Variants in TRIB3 observed in about 807,000 individuals in gnomAD.
The protein encoded by TRIB3 is tribbles pseudokinase 3.
TRIB3 carries 20 observed loss-of-function variants against 16.6 expected under a neutral mutation model. The observed-to-expected ratio is 1.20, with a 90% CI of 0.85 to 1.75. The LOEUF (loss-of-function observed/expected upper bound fraction) is 1.75. TRIB3 is among the 40% of genes most tolerant of loss of function. The pLI is 0.00. For synonymous variants in TRIB3, 208 were observed against 217.0 expected, an observed-to-expected ratio of 0.96 and a Z score of 0.36; for missense variants, 484 against 488.9, an observed-to-expected ratio of 0.99 and a Z score of 0.10.
chr20:383,797 C>T (rs919235487), intron 1 of TRIB3, among the ~76,000 whole-genome samples: 12 of 152,128 alleles, frequency 7.9e-5, no homozygotes, highest in Admixed American at 7.2e-4. Context: ...CTTTTATCCT[C>T]CCACTAGCAC....
intron 3 of TRIB3, among the ~76,000 whole-genome samples, chr20:392,944 G>T (rs1237886129): frequency 6.6e-6 from 1 of 152,170 alleles, no homozygotes; most frequent in Non-Finnish European, 1.5e-5. Context: ...ATTCCTGGGG[G>T]CAGTCAAGAT....
chr20:381,861 T>TGTGCTGTGC lies in TRIB3; in HGVS notation c.-1+692_-1+693insGTGCTGTGC, dbSNP rs1301318163. Among the ~76,000 whole-genome samples the TGTGCTGTGC allele has an allele frequency of 3.3e-5, 5 of 152,216 alleles. No homozygotes were observed. The East Asian group carries it at 9.7e-4, about 29-fold the overall frequency. Reference sequence around the variant, plus strand: ...TTTGCAGGTGGACGGTGCGCGCGTGTCTGCGGTGTGTGCTGTGCCTGCAGA... The same window carrying TGTGCTGTGC: ...TTTGCAGGTGGACGGTGCGCGCGTGTGTGCTGTGCCTGCGGTGTGTGCTGTGCCTGCAGA... On this transcript the variant is annotated intron_variant, in intron 1 of 3. Transcript: ENST00000217233.
At chr20:388,362 A>G in intron 2 of TRIB3, 61 bp downstream of exon 2, 1 of 1,529,048 alleles carries the variant, frequency 6.5e-7, no homozygotes, top group Non-Finnish European at 8.8e-7. Flanking sequence ...GAGGCCTCCA[A>G]AGGATTGCCA....
chr20:396,219 C>T lies in TRIB3; in HGVS notation c.606C>T (p.Asn202=), dbSNP rs2015118054. The stretch of plus-strand genomic sequence containing the variant: ...CCAGGAAGAAGCTGGTGCTGGAGAA[C>T]CTGGAGGACTCCTGCGTGCTGACTG... ...DRERKKLVLE[N]LEDSCVLTGP... The change falls in exon 4 of 4, where the codon AAC becomes AAT. Residue 202 remains asparagine, a synonymous_variant. Transcript: ENST00000217233. 6.2e-6 allele frequency: 10 copies of T among 1,610,408 alleles called. No homozygotes were observed. In the East Asian group the frequency reaches 2.2e-4, roughly 36 times the overall value.
chr20:396,354 G>T lies in TRIB3; in HGVS notation c.741G>T (p.Leu247=). ...YSGKAADVWS[L]GVALFTMLAG... is the part of the protein sequence containing the mutation. Reference sequence around the variant, plus strand: ...GCAAGGCAGCCGATGTCTGGAGCCTGGGCGTGGCGCTCTTCACCATGCTGG... The same window carrying T: ...GCAAGGCAGCCGATGTCTGGAGCCTTGGCGTGGCGCTCTTCACCATGCTGG... The change falls in exon 4 of 4, where the codon CTG becomes CTT. Residue 247 remains leucine (L), a synonymous_variant. Coordinates refer to ENST00000217233, the MANE Select transcript of TRIB3 (RefSeq NM_021158.5). 1.2e-6 allele frequency: 2 copies of T among 1,613,712 alleles called. No individual in the cohort carries two copies. The highest frequency in any genetic ancestry group is 1.7e-6 in the Non-Finnish European group (2 of 1,180,032).
At chr20:385,005 C>A (rs2014760074) in intron 1 of TRIB3, among the ~76,000 whole-genome samples, 1 of 152,188 alleles carries the variant, frequency 6.6e-6, no homozygotes, top group African/African-American at 2.4e-5. Context: ...GGTTCTAATC[C>A]TATGTAAGGA....
chr20:391,061 C>T (rs1568535506), intron 2 of TRIB3, among the ~76,000 whole-genome samples: 1 of 150,962 alleles, frequency 6.6e-6, no homozygotes, highest in African/African-American at 2.4e-5. Context: ...AAATCTCAGC[C>T]GTGCTGTTTG....
intron 1 of TRIB3, among the ~76,000 whole-genome samples, chr20:382,174 T>G (rs1291351648): frequency 1.3e-5 from 2 of 152,158 alleles, no homozygotes; most frequent in Non-Finnish European, 2.9e-5. Context: ...CTCATTTCCC[T>G]GGGTCCCGAG....
chr20:396,303 A>G lies in TRIB3; in HGVS notation c.690A>G (p.Ile230Met). The change falls in exon 4 of 4, where the codon ATA becomes ATG. Residue 230 changes from isoleucine to methionine, a missense_variant. Transcript: ENST00000217233. ...HACPAYVGPE[I>M]LSSRASYSGK... ...GCCCAGCCTACGTGGGACCTGAGAT[A>G]CTCAGCTCACGGGCCTCATACTCGG... 1 of 1,613,678 alleles carries G rather than the reference A, an allele frequency of 6.2e-7. No homozygotes were observed. The highest frequency in any genetic ancestry group is 1.1e-5 in the South Asian group (1 of 91,078).
intron 3 of TRIB3, among the ~76,000 whole-genome samples, chr20:394,500 C>G (rs1033799415): frequency 6.6e-6 from 1 of 152,126 alleles, no homozygotes; most frequent in Admixed American, 6.5e-5. Flanking sequence ...CTGCTCTTTT[C>G]AAGAAGTCAC....
At chr20:392,746 C>T (rs1384484256) in intron 3 of TRIB3, among the ~76,000 whole-genome samples, 5 of 151,922 alleles carry the variant, frequency 3.3e-5, no homozygotes, top group East Asian at 1.9e-4. Flanking sequence ...TTAGTAGAAA[C>T]GGGGTTTTGC....
chr20:383,368 C>T (rs1022401163), intron 1 of TRIB3, among the ~76,000 whole-genome samples: 8 of 152,232 alleles, frequency 5.3e-5, no homozygotes, highest in Non-Finnish European at 8.8e-5. Context: ...TACACACACA[C>T]ACCTCTACAG....
chr20:390,233 C>G (rs925829287), intron 2 of TRIB3, among the ~76,000 whole-genome samples: 18 of 152,186 alleles, frequency 1.2e-4, no homozygotes, highest in African/African-American at 3.6e-4. Flanking sequence ...GAGGCTGAGG[C>G]AGGAGAATCT....
chr20:384,475 T>G (rs548450105), intron 1 of TRIB3, among the ~76,000 whole-genome samples: 1 of 152,302 alleles, frequency 6.6e-6, no homozygotes, highest in South Asian at 2.1e-4. Context: ...GTGATTCTCC[T>G]GCCTCAGCCT....
rs201381552 is a variant in TRIB3 at position 396,478 on chromosome 20, C to G, written c.865C>G (p.Arg289Gly). The change falls in exon 4 of 4, where the codon CGC becomes GGC. Residue 289 changes from arginine (R) to glycine (G), a missense_variant. Coordinates refer to ENST00000217233, the MANE Select transcript of TRIB3 (RefSeq NM_021158.5). Reference sequence around the variant, plus strand: ...GCCTGCAGGCCTCTCGGCCCCTGCCCGCTGTCTGGTTCGCTGCCTCCTTCG... The same window carrying G: ...GCCTGCAGGCCTCTCGGCCCCTGCCGGCTGTCTGGTTCGCTGCCTCCTTCG... ...ALPAGLSAPA[R>G]CLVRCLLRRE... is the part of the protein sequence containing the mutation. 2 of 1,612,778 alleles carry G rather than the reference C, an allele frequency of 1.2e-6. No homozygotes were observed. The highest frequency in any genetic ancestry group is 1.7e-6 in the Non-Finnish European group (2 of 1,179,986).
At chr20:395,159 A>G (rs1371960815) in intron 3 of TRIB3, among the ~76,000 whole-genome samples, 1 of 132,626 alleles carries the variant, frequency 7.5e-6, no homozygotes, top group African/African-American at 3.0e-5. Context: ...ATGGCAGGAC[A>G]CACTTTTTTT....
intron 2 of TRIB3, among the ~76,000 whole-genome samples, chr20:389,180 A>C (rs1256280109): frequency 6.6e-6 from 1 of 152,164 alleles, no homozygotes; most frequent in Non-Finnish European, 1.5e-5. Context: ...ACAACCAATG[A>C]GGTGGTTTCT....
intron 3 of TRIB3, among the ~76,000 whole-genome samples, chr20:394,718 T>G (rs2015078547): frequency 6.6e-6 from 1 of 151,482 alleles, no homozygotes; most frequent in Non-Finnish European, 1.5e-5. Context: ...CCCAGAAGTT[T>G]GAGGCTGCAG....
chr20:382,132 C>T (rs867622609), intron 1 of TRIB3, among the ~76,000 whole-genome samples: 8 of 137,832 alleles, frequency 5.8e-5, no homozygotes, highest in South Asian at 2.4e-4. Context: ...TGTGTGCGTG[C>T]GCGCGCGCGC....
Sources: gnomAD v4.1 joint callset for allele counts (sites outside exome capture counted in the v4.1 genomes callset) on GRCh38, gnomAD v4.1.1 for gene constraint, MANE v1.5 for transcripts, NCBI Gene and HGNC (gene_info 2026-07-23, HGNC 2026-07-21) for gene names.